The following CCDC88A variants were observed in gnomAD, a reference collection of about 807,000 sequenced individuals.
CCDC88A encodes girdin.
CCDC88A carries 54 observed loss-of-function variants against 234.3 expected under a neutral mutation model. That is an observed-to-expected ratio of 0.23 (90% CI 0.19 to 0.29). CCDC88A has a LOEUF of 0.29. Among genes scored for constraint, CCDC88A ranks in the 10% least tolerant of loss-of-function variants. The probability of loss-of-function intolerance (pLI) is 1.00; values close to 1 mark genes in which losing one functional copy is unlikely to be tolerated. For synonymous variants in CCDC88A, 753 were observed against 737.8 expected (o/e 1.02, Z -0.33); for missense variants, 1,832 against 2,123.4 (o/e 0.86, Z 2.70).
At chr2:55,399,184 T>C (rs1313185186) in intron 2 of CCDC88A, among the ~76,000 whole-genome samples, 1 of 152,000 alleles carries the variant, frequency 6.6e-6, no homozygotes, top group Non-Finnish European at 1.5e-5. Flanking sequence ...AATACCAGAA[T>C]AGACACATTA....
At chr2:55,407,510 C>G in intron 2 of CCDC88A, among the ~76,000 whole-genome samples, 1 of 151,534 alleles carries the variant, frequency 6.6e-6, no homozygotes, top group East Asian at 2.0e-4. Flanking sequence ...GAGGCTGACA[C>G]AGGAAAGTGG....
chr2:55,296,462 A>G lies in CCDC88A; in HGVS notation c.4887T>C (p.Leu1629=). 6.2e-7 allele frequency: 1 copy of G among 1,614,200 alleles called. No homozygotes were observed. Among genetic ancestry groups the G allele is most frequent in the South Asian group, 1.1e-5 (1 of 91,088 alleles). ...TGCTGGACCAAGCCTCATGGTCATG[A>G]AGCAGGCTAAATTCTCCACTGCTGT... ...QSHSSGEFSL[L]HDHEAWSSSG... The change falls in exon 30 of 33, where the codon CTT becomes CTC. Residue 1629 remains leucine (L), a synonymous_variant. Coordinates refer to ENST00000436346, the MANE Select transcript of CCDC88A (RefSeq NM_001365480.1).
chr2:55,419,681 C>G lies in CCDC88A; in HGVS notation c.-602G>C, dbSNP rs915940804. 2 of 152,568 alleles carry G rather than the reference C, an allele frequency of 1.3e-5. No homozygotes were observed. Among genetic ancestry groups the G allele is most frequent in the African/African-American group, 4.8e-5 (2 of 41,406 alleles). The allele number at this position is 152,568 out of a possible 1,614,324, so 9.5% of individuals were successfully genotyped here. On this transcript the variant is annotated 5_prime_UTR_variant, in exon 1 of 33. Transcript: ENST00000436346. Reference sequence around the variant, plus strand: ...GAGCAGACACCATTCCTCCGCCGCCCTCAAGCCTCGCCTCCAGCCCCCTTC... The same window carrying G: ...GAGCAGACACCATTCCTCCGCCGCCGTCAAGCCTCGCCTCCAGCCCCCTTC...
chr2:55,310,945 G>A (rs1261407530), intron 23 of CCDC88A, among the ~76,000 whole-genome samples: 1 of 152,098 alleles, frequency 6.6e-6, no homozygotes, highest in Non-Finnish European at 1.5e-5. Flanking sequence ...CGTAACAAAG[G>A]CATTTAGCTA....
At chr2:55,303,787 G>C (rs529451104) in intron 25 of CCDC88A, among the ~76,000 whole-genome samples, 3 of 152,242 alleles carry the variant, frequency 2.0e-5, no homozygotes, top group Admixed American at 6.5e-5. Context: ...AGTCGTAAAG[G>C]TAAACCTTTA....
intron 18 of CCDC88A, among the ~76,000 whole-genome samples, chr2:55,321,882 T>C (rs747964394): frequency 2.7e-5 from 4 of 150,774 alleles, no homozygotes; most frequent in Non-Finnish European, 4.4e-5. Flanking sequence ...TTTGGTTTTA[T>C]TGCTTAGTTT....
chr2:55,304,344 C>A, intron 25 of CCDC88A, among the ~76,000 whole-genome samples: 1 of 152,236 alleles, frequency 6.6e-6, no homozygotes, highest in Admixed American at 6.5e-5. Flanking sequence ...TTCATTAGTT[C>A]ATTACACTTC....
chr2:55,368,449 T>TC (rs1010593833), intron 5 of CCDC88A, among the ~76,000 whole-genome samples: 1 of 150,982 alleles, frequency 6.6e-6, no homozygotes, highest in African/African-American at 2.5e-5. Context: ...TCTCTCTCTT[T>TC]CCCCCCTCCC....
In CCDC88A at chr2:55,332,492, T is replaced by G; in HGVS notation, c.2855+74A>C. On this transcript the variant is annotated intron_variant, in intron 16 of 32. Coordinates refer to ENST00000436346, the MANE Select transcript of CCDC88A (RefSeq NM_001365480.1). The surrounding 1 kb of genome is among the most constrained non-coding windows in gnomAD (Gnocchi z 4.5). ...ATATATAAATGTTTTCTATAGCTAG[T>G]ACAGAAAGAATTCATGTATGAGCAA... 1 of 1,548,208 alleles carries G rather than the reference T, an allele frequency of 6.5e-7. No homozygotes were observed. The highest frequency in any genetic ancestry group is 8.7e-7 in the Non-Finnish European group (1 of 1,154,538).
At chr2:55,410,135 T>G (rs1680235850) in intron 2 of CCDC88A, among the ~76,000 whole-genome samples, 1 of 152,176 alleles carries the variant, frequency 6.6e-6, no homozygotes, top group African/African-American at 2.4e-5. Flanking sequence ...CACACAGGCC[T>G]CTTTCCTAGG....
chr2:55,300,295 G>C (rs1161925193), intron 28 of CCDC88A: 1 of 200,668 alleles, frequency 5.0e-6, no homozygotes, highest in African/African-American at 2.3e-5. Flanking sequence ...GAGATGTCAA[G>C]AAGAGGAGGA....
intron 2 of CCDC88A, among the ~76,000 whole-genome samples, chr2:55,389,811 C>T (rs1676304904): frequency 6.6e-6 from 1 of 151,876 alleles, no homozygotes; most frequent in African/African-American, 2.4e-5. Flanking sequence ...GAGGCCCAGG[C>T]TGGTGGATCA....
chr2:55,400,440 C>T (rs895500534), intron 2 of CCDC88A, among the ~76,000 whole-genome samples: 2 of 152,136 alleles, frequency 1.3e-5, no homozygotes, highest in African/African-American at 4.8e-5. Flanking sequence ...ATCTGTCCAA[C>T]CAGGAGTTAA....
At chr2:55,299,960 G>A (rs773998359) in intron 28 of CCDC88A, 41 bp from the exon 29 acceptor site, 25 of 1,282,196 alleles carry the variant, frequency 1.9e-5, no homozygotes, top group Non-Finnish European at 2.7e-5. Flanking sequence ...AAAACTTCTA[G>A]CTGATGATGC....
rs1685330950 is a variant in CCDC88A, at chr2:55,335,203, G to C, written c.1657-39C>G. 1 of 1,274,868 alleles carries C rather than the reference G, an allele frequency of 7.8e-7. No homozygotes were observed. Among genetic ancestry groups the C allele is most frequent in the Non-Finnish European group, 1.1e-6 (1 of 949,242 alleles). 79.0% of individuals were successfully genotyped at this position (1,274,868 alleles called of 1,614,324 possible). A position where few individuals can be genotyped will look rare whatever the true frequency, so the allele number is the denominator to read the frequency against. ...AAAATAATTAAAAGCTGTAATTGAG[G>C]AAAAACTAACTATGGTTTATCTCTT... On this transcript the variant is annotated intron_variant, in intron 14 of 32. Coordinates refer to ENST00000436346, the MANE Select transcript of CCDC88A (RefSeq NM_001365480.1). The surrounding 1 kb of genome is among the most constrained non-coding windows in gnomAD (Gnocchi z 4.5).
intron 31 of CCDC88A, chr2:55,294,073 T>C: frequency 5.4e-6 from 1 of 183,660 alleles, no homozygotes; most frequent in Non-Finnish European, 1.0e-5. Context: ...TATACATGTA[T>C]AATTTAATAA....
In CCDC88A at chr2:55,317,507, T is replaced by C. The variant is rs1683133400; in HGVS notation, c.3602+57A>G. 1 of 1,306,412 alleles carries C rather than the reference T, an allele frequency of 7.7e-7. No individual in the cohort carries two copies. Among genetic ancestry groups the C allele is most frequent in the Non-Finnish European group, 1.0e-6 (1 of 967,128 alleles). The allele number at this position is 1,306,412 out of a possible 1,614,324, so 80.9% of individuals were successfully genotyped here. The stretch of plus-strand genomic sequence containing the variant: ...TGTGTTTAATATATAAAATTTATTA[T>C]ACTACTTGAAGAAAATTCATTTTAA... On this transcript the variant is annotated intron_variant, in intron 20 of 32. Coordinates refer to ENST00000436346, the MANE Select transcript of CCDC88A (RefSeq NM_001365480.1). The surrounding 1 kb of genome is among the most constrained non-coding windows in gnomAD (Gnocchi z 4.2).
intron 3 of CCDC88A, among the ~76,000 whole-genome samples, chr2:55,381,287 A>G (rs1674550754): frequency 6.6e-6 from 1 of 152,106 alleles, no homozygotes; most frequent in Non-Finnish European, 1.5e-5. Context: ...TTGTTAAGGT[A>G]CACAAGACTG....
intron 2 of CCDC88A, among the ~76,000 whole-genome samples, chr2:55,408,859 C>A (rs556931624): frequency 1.3e-5 from 2 of 152,152 alleles, no homozygotes; most frequent in Non-Finnish European, 2.9e-5. Context: ...GTAACACAAC[C>A]TTTACTCTGT....
Sources: allele counts gnomAD v4.1 joint callset (sites outside exome capture counted in the v4.1 genomes callset), GRCh38; gene constraint gnomAD v4.1.1; non-coding constraint Gnocchi (gnomAD v3.1); transcripts MANE v1.5; gene names NCBI Gene and HGNC (gene_info 2026-07-23, HGNC 2026-07-21).